NXPE2: variants seen among roughly 807,000 people sequenced by gnomAD.
The protein encoded by NXPE2 is NXPE family member 2.
In NXPE2, 34 loss-of-function variants were observed where a neutral mutation model predicts 34.4. The ratio of observed to expected loss-of-function variants is 0.99; its 90% CI spans 0.75 to 1.31. NXPE2 has a LOEUF of 1.31. Among genes scored for constraint, NXPE2 ranks in the 40% most tolerant of loss-of-function variants. The pLI, the probability that NXPE2 is intolerant of heterozygous loss-of-function variation, is 0.00. For synonymous variants in NXPE2, 235 were observed against 231.3 expected (o/e 1.02, Z -0.15); for missense variants, 649 against 672.5 (o/e 0.97, Z 0.39).
chr11:114,738,504 A>G, the NXPE2 span, among the ~76,000 whole-genome samples: 10 of 152,292 alleles, frequency 6.6e-5, no homozygotes, highest in Admixed American at 6.5e-4. Flanking sequence ...GCCTGGGCCA[A>G]GGCTTGGTGT....
the NXPE2 span, among the ~76,000 whole-genome samples, chr11:114,572,182 C>G: frequency 6.6e-6 from 1 of 152,138 alleles, no homozygotes; most frequent in Non-Finnish European, 1.5e-5. Context: ...TAAACCACAT[C>G]AAGGGAGCAC....
chr11:114,620,269 G>T, the NXPE2 span, among the ~76,000 whole-genome samples: 1 of 152,044 alleles, frequency 6.6e-6, no homozygotes, highest in Non-Finnish European at 1.5e-5. Flanking sequence ...GGTAACTACG[G>T]TTACCCGGTG....
At chr11:114,764,725 C>T in the NXPE2 span, among the ~76,000 whole-genome samples, 1 of 152,140 alleles carries the variant, frequency 6.6e-6, no homozygotes, top group Non-Finnish European at 1.5e-5. Context: ...CAACTTTCTC[C>T]TTGTATTCAG....
chr11:114,559,926 C>G, the NXPE2 span: 1 of 152,064 alleles, frequency 6.6e-6, no homozygotes, highest in Admixed American at 6.6e-5. Context: ...AGTCTGTTTT[C>G]CTCGTAAATT....
intron 2 of NXPE2, among the ~76,000 whole-genome samples, chr11:114,692,615 G>A (rs1432984291): frequency 1.3e-5 from 2 of 152,118 alleles, no homozygotes; most frequent in Non-Finnish European, 2.9e-5. Context: ...CAGAGCTTTG[G>A]GGATTTCTCT....
the NXPE2 span, among the ~76,000 whole-genome samples, chr11:114,772,274 C>A: frequency 1.3e-5 from 2 of 151,934 alleles, no homozygotes; most frequent in Admixed American, 1.3e-4. Flanking sequence ...ATATATTAAT[C>A]CAAAAGATTA....
the NXPE2 span, among the ~76,000 whole-genome samples, chr11:114,634,584 T>C: frequency 1.3e-5 from 2 of 152,074 alleles, no homozygotes; most frequent in Admixed American, 6.6e-5. Flanking sequence ...TTCTAGGGTT[T>C]TTATGGTTTT....
At chr11:114,467,152 A>G in the NXPE2 span, among the ~76,000 whole-genome samples, 973 of 152,326 alleles carry the variant, frequency 6.4e-3, 40 homozygotes, top group Admixed American at 0.059. Context: ...GAAAACATCT[A>G]TCTGTAGTGA....
At chr11:114,470,582 CGT>C in the NXPE2 span, among the ~76,000 whole-genome samples, 8,497 of 144,754 alleles carry the variant, frequency 0.059, 335 homozygotes, top group East Asian at 0.18. Flanking sequence ...AAAGAATTGA[CGT>C]GTGTGTGTGT....
At chr11:114,636,181 T>G in the NXPE2 span, among the ~76,000 whole-genome samples, 1 of 151,972 alleles carries the variant, frequency 6.6e-6, no homozygotes. Context: ...TTCTTCCTGG[T>G]TTAGTCTTAG....
chr11:114,720,886 T>C, the NXPE2 span, among the ~76,000 whole-genome samples: 584 of 152,334 alleles, frequency 3.8e-3, 5 homozygotes, highest in African/African-American at 0.013. Context: ...TAGGAGGATC[T>C]GATAAAGAGC....
At chr11:114,580,390 A>G in the NXPE2 span, 22 of 1,519,264 alleles carry the variant, frequency 1.4e-5, no homozygotes, top group African/African-American at 2.7e-5. Context: ...ATTACCCGTC[A>G]GTATGTATTA....
At chr11:114,799,888 TTCTCTTTCTCTTTATCCTTCCTTC>T in the NXPE2 span, among the ~76,000 whole-genome samples, 9 of 151,996 alleles carry the variant, frequency 5.9e-5, no homozygotes, top group Non-Finnish European at 1.2e-4. Context: ...TTTCTTCCTT[TTCTCTTTCTCTTTATCCTTCCTTC>T]TCTCTGCACT....
chr11:114,505,191 G>C, the NXPE2 span, among the ~76,000 whole-genome samples: 1 of 152,078 alleles, frequency 6.6e-6, no homozygotes, highest in African/African-American at 2.4e-5. Flanking sequence ...AAAAAAAAAG[G>C]AATGAACAAA....
chr11:114,724,898 T>G, the NXPE2 span, among the ~76,000 whole-genome samples: 1 of 150,510 alleles, frequency 6.6e-6, no homozygotes, highest in African/African-American at 2.4e-5. Flanking sequence ...TGGTTTTTTT[T>G]TTTTTTTTTT....
chr11:114,494,331 T>G, the NXPE2 span, among the ~76,000 whole-genome samples: 1 of 152,220 alleles, frequency 6.6e-6, no homozygotes. Flanking sequence ...GGCTAATACC[T>G]CTTAGATTTG....
At chr11:114,776,446 G>A in the NXPE2 span, among the ~76,000 whole-genome samples, 1 of 152,348 alleles carries the variant, frequency 6.6e-6, no homozygotes, top group African/African-American at 2.4e-5. Flanking sequence ...GCTTTTCTTT[G>A]CTGTTGTGGA....
At chr11:114,613,499 C>T in the NXPE2 span, among the ~76,000 whole-genome samples, 1 of 151,944 alleles carries the variant, frequency 6.6e-6, no homozygotes, top group Middle Eastern at 3.4e-3. Context: ...ACCACTATTA[C>T]CCAGTGGATA....
At chr11:114,807,761 CTG>C in the NXPE2 span, among the ~76,000 whole-genome samples, 1 of 152,096 alleles carries the variant, frequency 6.6e-6, no homozygotes, top group South Asian at 2.1e-4. Flanking sequence ...TAACACCCCA[CTG>C]TCAACATTAG....
Sources: allele counts gnomAD v4.1 joint callset (sites outside exome capture counted in the v4.1 genomes callset), GRCh38; gene constraint gnomAD v4.1.1; transcripts MANE v1.5; gene names NCBI Gene and HGNC (gene_info 2026-07-23, HGNC 2026-07-21).